Variants in REDIC1 observed in about 807,000 individuals in gnomAD.
REDIC1 encodes the protein regulator of DNA class I crossover intermediates 1.
the REDIC1 span, among the ~76,000 whole-genome samples, chr12:39,866,485 GA>G: frequency 6.6e-6 from 1 of 152,044 alleles, no homozygotes; most frequent in African/African-American, 2.4e-5. Context: ...GTATTTGAAA[GA>G]TTTTTTTTTT....
At chr12:39,756,370 A>C in the REDIC1 span, 1 of 151,934 alleles carries the variant, frequency 6.6e-6, no homozygotes, top group South Asian at 2.1e-4. Context: ...CAACAAGTGA[A>C]TAAAAGTCAG....
chr12:39,648,012 T>C, the REDIC1 span: 1 of 1,302,232 alleles, frequency 7.7e-7, no homozygotes, highest in Non-Finnish European at 1.0e-6. Flanking sequence ...GCATTTTATA[T>C]AATTATATTT....
At chr12:39,731,677 C>G in the REDIC1 span, among the ~76,000 whole-genome samples, 1 of 152,172 alleles carries the variant, frequency 6.6e-6, no homozygotes, top group South Asian at 2.1e-4. Flanking sequence ...AGCTCAAACG[C>G]TGTGCTGGGG....
At chr12:39,659,068 A>G in the REDIC1 span, among the ~76,000 whole-genome samples, 2 of 152,002 alleles carry the variant, frequency 1.3e-5, no homozygotes, top group African/African-American at 2.4e-5. Context: ...CATTTCTTCT[A>G]TTGTAGATCT....
chr12:39,658,522 T>C, the REDIC1 span, among the ~76,000 whole-genome samples: 1 of 152,240 alleles, frequency 6.6e-6, no homozygotes, highest in African/African-American at 2.4e-5. Context: ...ACAAGGAACA[T>C]ACTTTGTATG....
the REDIC1 span, among the ~76,000 whole-genome samples, chr12:39,890,822 T>C: frequency 2.0e-5 from 3 of 152,116 alleles, no homozygotes; most frequent in African/African-American, 7.2e-5. Context: ...TACAATAAAT[T>C]CTATACAGCT....
chr12:39,816,086 G>A, the REDIC1 span, among the ~76,000 whole-genome samples: 434 of 152,230 alleles, frequency 2.9e-3, 1 homozygote, highest in Non-Finnish European at 5.5e-3. Flanking sequence ...ATATGTTCTG[G>A]GCTGATAGTG....
chr12:39,647,986 G>A, the REDIC1 span: 1 of 1,477,360 alleles, frequency 6.8e-7, no homozygotes, highest in Non-Finnish European at 9.1e-7. Context: ...AGGTACCTTT[G>A]AATCATTAGT....
the REDIC1 span, among the ~76,000 whole-genome samples, chr12:39,816,632 A>T: frequency 6.6e-6 from 1 of 152,028 alleles, no homozygotes; most frequent in Non-Finnish European, 1.5e-5. Context: ...GAATTATATT[A>T]GTAAGCTGGA....
chr12:39,759,920 C>G, the REDIC1 span: 1 of 779,932 alleles, frequency 1.3e-6, no homozygotes, highest in Admixed American at 2.4e-5. Flanking sequence ...TCAATCAAAA[C>G]TAGGCTGTGG....
chr12:39,867,864 C>T, the REDIC1 span, among the ~76,000 whole-genome samples: 1 of 152,118 alleles, frequency 6.6e-6, no homozygotes, highest in African/African-American at 2.4e-5. Flanking sequence ...TTAAAGCTTT[C>T]CACAAGTGGT....
At chr12:39,749,961 A>T in the REDIC1 span, among the ~76,000 whole-genome samples, 12 of 152,232 alleles carry the variant, frequency 7.9e-5, no homozygotes, top group African/African-American at 2.7e-4. Context: ...AGCCAATATC[A>T]TACTGAATGG....
At chr12:39,703,273 A>G in the REDIC1 span, among the ~76,000 whole-genome samples, 1 of 150,728 alleles carries the variant, frequency 6.6e-6, no homozygotes, top group Non-Finnish European at 1.5e-5. Flanking sequence ...AATCACAAGC[A>G]TTCTTATACA....
chr12:39,700,284 T>C, the REDIC1 span, among the ~76,000 whole-genome samples: 1 of 152,000 alleles, frequency 6.6e-6, no homozygotes, highest in Non-Finnish European at 1.5e-5. Flanking sequence ...CGAGAACTAC[T>C]TGGAGAATGC....
At chr12:39,652,608 T>G in the REDIC1 span, among the ~76,000 whole-genome samples, 1 of 152,134 alleles carries the variant, frequency 6.6e-6, no homozygotes, top group East Asian at 1.9e-4. Flanking sequence ...AGTCCGACAT[T>G]AATTTTTTCA....
At chr12:39,730,476 A>G in the REDIC1 span, among the ~76,000 whole-genome samples, 1 of 152,192 alleles carries the variant, frequency 6.6e-6, no homozygotes, top group South Asian at 2.1e-4. Context: ...AAAATGTTGA[A>G]TATTGGCCCC....
chr12:39,848,262 C>A, the REDIC1 span, among the ~76,000 whole-genome samples: 1 of 152,052 alleles, frequency 6.6e-6, no homozygotes, highest in African/African-American at 2.4e-5. Flanking sequence ...TGTGAAAAAA[C>A]ATTTACAAAC....
At chr12:39,870,842 G>A in the REDIC1 span, among the ~76,000 whole-genome samples, 2 of 152,174 alleles carry the variant, frequency 1.3e-5, no homozygotes, top group African/African-American at 4.8e-5. Flanking sequence ...GAGAGGGTAT[G>A]TATTTCTGAT....
At chr12:39,836,152 T>G in the REDIC1 span, among the ~76,000 whole-genome samples, 1 of 152,110 alleles carries the variant, frequency 6.6e-6, no homozygotes, top group South Asian at 2.1e-4. Flanking sequence ...TTAGAGAGTT[T>G]GTAGTAAATA....
Sources: allele counts gnomAD v4.1 joint callset (sites outside exome capture counted in the v4.1 genomes callset), GRCh38; gene constraint gnomAD v4.1.1; transcripts MANE v1.5; gene names NCBI Gene and HGNC (gene_info 2026-07-23, HGNC 2026-07-21).